Variants in MYCBPAP observed in about 807,000 individuals in gnomAD.
MYCBPAP encodes MYCBP associated protein.
MYCBPAP carries 60 observed loss-of-function variants against 106.1 expected under a neutral mutation model. The ratio of observed to expected loss-of-function variants is 0.57; its 90% CI spans 0.46 to 0.70. The LOEUF (loss-of-function observed/expected upper bound fraction) is 0.70. Among genes scored for constraint, MYCBPAP ranks in the 30% least tolerant of loss-of-function variants. The pLI, the probability that MYCBPAP is intolerant of heterozygous loss-of-function variation, is 0.00. For missense variants in MYCBPAP, 1,064 were observed against 1,169.3 expected (o/e 0.91, Z 1.31); for synonymous variants, 407 against 440.6 (o/e 0.92, Z 0.95).
chr17:50,512,777 A>G (rs2033899970), intron 1 of MYCBPAP, among the ~76,000 whole-genome samples: 1 of 152,214 alleles, frequency 6.6e-6, no homozygotes, highest in African/African-American at 2.4e-5. Flanking sequence ...ATTTAACTTT[A>G]AGATACATAT....
chr17:50,512,346 G>A lies in MYCBPAP; in HGVS notation c.76+3596G>A, dbSNP rs139122353. Among the ~76,000 whole-genome samples, 970 of 152,052 alleles carry A rather than the reference G, an allele frequency of 6.4e-3. 8 individuals carry two copies. The highest frequency in any genetic ancestry group is 0.022 in the African/African-American group (930 of 41,460). On this transcript the variant is annotated intron_variant, in intron 1 of 18. Transcript: ENST00000323776. Reference sequence around the variant, plus strand: ...TGGGATTACAGGCGTGAGCCACCGCGCCCGGCCCCCCAGCAAGTTTTCTGT... The same window carrying A: ...TGGGATTACAGGCGTGAGCCACCGCACCCGGCCCCCCAGCAAGTTTTCTGT...
chr17:50,517,218 A>G, intron 2 of MYCBPAP, 75 bp from the exon 3 acceptor site: 1 of 1,396,668 alleles, frequency 7.2e-7, no homozygotes, highest in Non-Finnish European at 1.0e-6. Flanking sequence ...ACCCAGAACT[A>G]GAACAGAAGA....
chr17:50,529,204 C>A lies in MYCBPAP; in HGVS notation c.2724+16C>A, dbSNP rs775472590. ...GCACAGTGAGGTGAAGGGAAGCGCC[C>A]AGCAGCCATTCCCCTGCCTCCCACC... On this transcript the variant is annotated intron_variant, in intron 18 of 18. Coordinates refer to ENST00000323776, the MANE Select transcript of MYCBPAP (RefSeq NM_032133.6). 3 of 1,602,924 alleles carry A rather than the reference C, an allele frequency of 1.9e-6. No individual in the cohort carries two copies. Among genetic ancestry groups the A allele is most frequent in the Non-Finnish European group, 2.6e-6 (3 of 1,175,968 alleles).
intron 18 of MYCBPAP, chr17:50,530,096 A>T: frequency 2.8e-6 from 1 of 359,776 alleles, no homozygotes; most frequent in South Asian, 2.1e-5. Context: ...CACTGGTGAC[A>T]TCACTAAGAT....
chr17:50,511,872 C>T (rs2033861921), intron 1 of MYCBPAP, among the ~76,000 whole-genome samples: 1 of 152,124 alleles, frequency 6.6e-6, no homozygotes, highest in Non-Finnish European at 1.5e-5. Context: ...CCCAGCTTGC[C>T]TCTGCCTCTC....
At chr17:50,524,739 A>AGAGAGT in intron 12 of MYCBPAP, 138 bp from the exon 13 acceptor site, 1 of 238,324 alleles carries the variant, frequency 4.2e-6, no homozygotes, top group Non-Finnish European at 7.3e-6. Context: ...TGTGTGTGTG[A>AGAGAGT]GAGAGAGAGA....
Position 50,524,737 on chromosome 17 carries a change from T to TGTGTGTGAGAGAGAGAGAGAGA in MYCBPAP, c.1636-139_1636-138insTGTGTGAGAGAGAGAGAGAGAG, listed in dbSNP as rs373928628. The TGTGTGTGAGAGAGAGAGAGAGA allele has an allele frequency of 8.2e-5, 38 of 463,646 alleles. No homozygotes were observed. In the African/African-American group the frequency reaches 8.9e-4, roughly 11 times the overall value. 28.7% of individuals were successfully genotyped at this position (463,646 alleles called of 1,614,324 possible). On this transcript the variant is annotated intron_variant, in intron 12 of 18. Transcript: ENST00000323776. ...GTGTGTGTGTGTGTGTGTGTGTGTG[T>TGTGTGTGAGAGAGAGAGAGAGA]GAGAGAGAGAGAGAGAGAGAGACAA...
At chr17:50,523,300 TGA>T (rs1429611854) in intron 11 of MYCBPAP, among the ~76,000 whole-genome samples, 172 bp downstream of exon 11, 2 of 152,136 alleles carry the variant, frequency 1.3e-5, no homozygotes, top group African/African-American at 4.8e-5. Context: ...TCATGTCTGT[TGA>T]GAGACTGATG....
At chr17:50,513,234 A>AAAAAAAAAAAAT (rs2033922292) in intron 1 of MYCBPAP, among the ~76,000 whole-genome samples, 1 of 150,634 alleles carries the variant, frequency 6.6e-6, no homozygotes, top group Non-Finnish European at 1.5e-5. Flanking sequence ...AAAAAAAAAA[A>AAAAAAAAAAAAT]AAAAAAGCTG....
At chr17:50,523,506 TG>T in intron 11 of MYCBPAP, 90 bp from the exon 12 acceptor site, 1 of 1,365,672 alleles carries the variant, frequency 7.3e-7, no homozygotes, top group Admixed American at 2.0e-5. Flanking sequence ...CCACCTGGCC[TG>T]GGACTCAGTT....
intron 13 of MYCBPAP, chr17:50,525,230 A>C: frequency 3.7e-6 from 2 of 536,656 alleles, no homozygotes; most frequent in African/African-American, 1.9e-5. Context: ...GAAATTGTAC[A>C]CTCCTTATGA....
In MYCBPAP at chr17:50,509,197, G is replaced by C. The variant is rs533753913; in HGVS notation, c.76+447G>C. 1.3e-5 allele frequency: 9 copies of C among 701,214 alleles called. No homozygotes were observed. In the East Asian group the frequency reaches 2.1e-4, roughly 17 times the overall value. The allele number at this position is 701,214 out of a possible 1,614,324, so 43.4% of individuals were successfully genotyped here. A position where few individuals can be genotyped will look rare whatever the true frequency, so the allele number is the denominator to read the frequency against. On this transcript the variant is annotated intron_variant, in intron 1 of 18. Transcript: ENST00000323776. ...CTTGATGGGATTATTTGGTAGAGGAGGGTCGGGGAGCGGGGCAGGCGTCAC... is the reference window on the plus strand; with the variant it reads ...CTTGATGGGATTATTTGGTAGAGGACGGTCGGGGAGCGGGGCAGGCGTCAC...
intron 11 of MYCBPAP, 34 bp downstream of exon 11, chr17:50,523,162 C>T: frequency 6.3e-7 from 1 of 1,597,504 alleles, no homozygotes; most frequent in Non-Finnish European, 8.6e-7. Flanking sequence ...GTGCTAGCTC[C>T]TGTCTGGGGC....
intron 1 of MYCBPAP, among the ~76,000 whole-genome samples, chr17:50,512,057 T>TTC (rs2033872199): frequency 1.3e-5 from 2 of 149,758 alleles, no homozygotes; most frequent in African/African-American, 4.9e-5. Flanking sequence ...AGTTTTCTTT[T>TTC]TTTTTTTTTT....
In MYCBPAP at chr17:50,526,414, CTATT is replaced by C. The variant is rs60864374; in HGVS notation, c.2169+169_2169+172del. On this transcript the variant is annotated intron_variant, in intron 14 of 18. Coordinates refer to ENST00000323776, the MANE Select transcript of MYCBPAP (RefSeq NM_032133.6). ...GTGATCTCTTGGGTTATCTATCTAT[CTATT>C]TATTTATTTATTTATTTATTTTTGA... 4.3e-4 allele frequency: 158 copies of C among 369,510 alleles called. 1 individual carries two copies. Among genetic ancestry groups the C allele is most frequent in the Middle Eastern group, 8.3e-4 (1 of 1,200 alleles). 22.9% of individuals were successfully genotyped at this position (369,510 alleles called of 1,614,324 possible).
rs1386086445 is a variant in MYCBPAP at position 50,525,934 on chromosome 17, C to A, written c.1836C>A (p.Tyr612Ter). The change falls in exon 14 of 19, where the codon TAC becomes TAA. Residue 612 changes from tyrosine to a stop codon, truncating the protein, a stop_gained. Coordinates refer to ENST00000323776, the MANE Select transcript of MYCBPAP (RefSeq NM_032133.6). LOFTEE classifies it high-confidence loss of function. ...VQSLHQLWRQ[Y>*]MTLPAKAEEA... ...GCCTGCACCAACTGTGGCGCCAGTA[C>A]ATGACCCTGCCCGCCAAGGCTGAGG... 6.2e-7 allele frequency: 1 copy of A among 1,613,508 alleles called. No homozygotes were observed.
chr17:50,522,709 A>AAAAATATATATATATATATAT, intron 10 of MYCBPAP: 5 of 50,044 alleles, frequency 1.0e-4, no homozygotes, highest in African/African-American at 6.0e-4. Flanking sequence ...AAAAAAAAAA[A>AAAAATATATATATATATATAT]ATATATATAT....
rs781580581 is a variant in MYCBPAP at position 50,519,665 on chromosome 17, G to A, written c.794G>A (p.Ser265Asn). 2.5e-6 allele frequency: 4 copies of A among 1,614,148 alleles called. No homozygotes were observed. The highest frequency in any genetic ancestry group is 4.5e-5 in the East Asian group (2 of 44,886). The part of the protein sequence containing the change: ...RKSWENSGFW[S>N]RLEYLGDEMT... Reference sequence around the variant, plus strand: ...AGCTGGGAGAACAGTGGGTTCTGGAGTCGACTGGAATACTTGGGAGATGAG... The same window carrying A: ...AGCTGGGAGAACAGTGGGTTCTGGAATCGACTGGAATACTTGGGAGATGAG... Residue 265 changes from serine (S) to asparagine (N), a missense_variant, in exon 7 of 19, where the codon AGT becomes AAT. Transcript: ENST00000323776.
In MYCBPAP at chr17:50,521,860, T is replaced by G. The variant is rs1274577794; in HGVS notation, c.1149-113T>G. 28 of 887,728 alleles carry G rather than the reference T, an allele frequency of 3.2e-5. No individual in the cohort carries two copies. In the East Asian group the frequency reaches 5.7e-4, roughly 18 times the overall value. 55.0% of individuals were successfully genotyped at this position (887,728 alleles called of 1,614,324 possible). Reference sequence around the variant, plus strand: ...GGGAGTGGAGTTGATCATACTCCATTGCAGGGTAGAGCTGGTTGTGTTTCT... The same window carrying G: ...GGGAGTGGAGTTGATCATACTCCATGGCAGGGTAGAGCTGGTTGTGTTTCT... On this transcript the variant is annotated intron_variant, in intron 9 of 18. Coordinates refer to ENST00000323776, the MANE Select transcript of MYCBPAP (RefSeq NM_032133.6).
Sources: gnomAD v4.1 joint callset for allele counts (sites outside exome capture counted in the v4.1 genomes callset) on GRCh38, gnomAD v4.1.1 for gene constraint, MANE v1.5 for transcripts, NCBI Gene and HGNC (gene_info 2026-07-23, HGNC 2026-07-21) for gene names.